Variants in DOK7 observed in about 807,000 individuals in gnomAD.
DOK7 encodes the protein protein Dok-7.
DOK7 carries 32 observed loss-of-function variants against 30.7 expected under a neutral mutation model. That is an observed-to-expected ratio of 1.04 (90% CI 0.79 to 1.40). DOK7 has a LOEUF of 1.40. Among genes scored for constraint, DOK7 ranks in the 40% most tolerant of loss-of-function variants. The pLI is 0.00. For synonymous variants in DOK7, 447 were observed against 324.1 expected, an observed-to-expected ratio of 1.38 and a Z score of -4.07; for missense variants, 1,007 against 699.2, an observed-to-expected ratio of 1.44 and a Z score of -4.97.
At chr4:3,476,648 G>A in intron 4 of DOK7, 106 bp downstream of exon 4, 1 of 1,462,518 alleles carries the variant, frequency 6.8e-7, no homozygotes, top group South Asian at 1.1e-5. Flanking sequence ...TGGCCTGCTG[G>A]CATTTCCAGA....
intron 5 of DOK7, among the ~76,000 whole-genome samples, chr4:3,488,889 T>C (rs1195344370): frequency 6.6e-6 from 1 of 152,126 alleles, no homozygotes; most frequent in African/African-American, 2.4e-5. Flanking sequence ...TGGAGCAAGG[T>C]AGCCACTTGG....
intron 2 of DOK7, among the ~76,000 whole-genome samples, chr4:3,467,280 C>T (rs1325308905): frequency 6.6e-6 from 1 of 151,918 alleles, no homozygotes; most frequent in African/African-American, 2.4e-5. Flanking sequence ...TTCTCCCCCT[C>T]CTCCTTCTTC....
Position 3,494,023 on chromosome 4 carries a change from A to C in DOK7, c.*522A>C. On this transcript the variant is annotated 3_prime_UTR_variant, in exon 7 of 7. Transcript: ENST00000340083. ...CTGGGCTCCGTGTGCGCTGGGCCTCATCCCCATCTATGGGAGGAAACTGAA... is the reference window on the plus strand; with the variant it reads ...CTGGGCTCCGTGTGCGCTGGGCCTCCTCCCCATCTATGGGAGGAAACTGAA... The C allele has an allele frequency of 1.1e-5, 11 of 990,040 alleles. No individual in the cohort carries two copies. The South Asian group carries it at 4.7e-4, about 42-fold the overall frequency. The allele number at this position is 990,040 out of a possible 1,614,324, so 61.3% of individuals were successfully genotyped here. A position where few individuals can be genotyped will look rare whatever the true frequency, so the allele number is the denominator to read the frequency against.
chr4:3,498,319 T>C (rs1379395189), downstream of DOK7, among the ~76,000 whole-genome samples: 2 of 152,158 alleles, frequency 1.3e-5, no homozygotes, highest in African/African-American at 4.8e-5. Context: ...ACGGACACAC[T>C]GCTGGCCCAG....
intron 5 of DOK7, among the ~76,000 whole-genome samples, chr4:3,486,707 GGTGTCTTCCTGCCT>G (rs1727819136): frequency 1.3e-5 from 2 of 151,836 alleles, no homozygotes; most frequent in African/African-American, 4.8e-5. Context: ...CACCCCTGCA[GGTGTCTTCCTGCCT>G]AGTGGATGCA....
In DOK7 at chr4:3,473,439, C is replaced by T. The variant is rs62272670; in HGVS notation, c.134C>T (p.Ser45Leu). The T allele has an allele frequency of 5.4e-3, 8,707 of 1,611,020 alleles. 60 individuals are homozygous for T. Among genetic ancestry groups the T allele is most frequent in the Non-Finnish European group, 5.0e-3 (5,906 of 1,179,822 alleles). ...CTGATGCTGGTCTACAAGGACAAGT[C>T]GGAGCGTATCAAGGGCCTGCGGGAG... ...CLLMLVYKDK[S>L]ERIKGLRERS... Residue 45 changes from serine (S) to leucine (L), a missense_variant, in exon 3 of 7, where the codon TCG becomes TTG. Coordinates refer to ENST00000340083, the MANE Select transcript of DOK7 (RefSeq NM_173660.5).
At chr4:3,469,872 G>T (rs1248680746) in intron 2 of DOK7, among the ~76,000 whole-genome samples, 4 of 152,212 alleles carry the variant, frequency 2.6e-5, no homozygotes, top group Non-Finnish European at 4.4e-5. Flanking sequence ...GGCGTCAGCT[G>T]CCGGAGAAGC....
downstream of DOK7, chr4:3,496,976 C>A: frequency 1.2e-6 from 1 of 861,582 alleles, no homozygotes; most frequent in Non-Finnish European, 1.7e-6. Context: ...GTGGGGGGCC[C>A]ACTGCCAGCA....
intron 4 of DOK7, among the ~76,000 whole-genome samples, chr4:3,480,583 A>G (rs1159575523): frequency 3.3e-5 from 5 of 152,310 alleles, no homozygotes; most frequent in Admixed American, 1.3e-4. Context: ...AGTCCAGCCA[A>G]GGCAACAGAG....
rs767282152 is a variant in DOK7 at position 3,493,078 on chromosome 4, G to A, written c.1092G>A (p.Arg364=). 8.2e-6 allele frequency: 13 copies of A among 1,575,988 alleles called. No individual in the cohort carries two copies. Among genetic ancestry groups the A allele is most frequent in the African/African-American group, 1.3e-5 (1 of 74,372 alleles). Residue 364 remains arginine (R), a synonymous_variant, in exon 7 of 7, where the codon CGG becomes CGA. Transcript: ENST00000340083. ...CGGGCAGCAGCCTGGACGTGTGGCG[G>A]GCCACAGATGAACTGGGCTCACTGC... The part of the protein sequence containing the change: ...SYAGSSLDVW[R]ATDELGSLLS...
rs765044049 is a variant in DOK7, at chr4:3,493,403, GAGCCCTGGGA to G, written c.1421_1430del (p.Pro474GlnfsTer24). 1.9e-6 allele frequency: 3 copies of G among 1,596,346 alleles called. No individual in the cohort carries two copies. The South Asian group carries it at 3.4e-5, about 18-fold the overall frequency. On this transcript the variant is annotated frameshift_variant, in exon 7 of 7. Transcript: ENST00000340083. LOFTEE classifies it high-confidence loss of function. ...CACACTGCCTGGCCCTGCCCCTGGC[GAGCCCTGGGA>G]AGCAGGCGGCCCCCACGCGGGGCCA...
At position 3,476,184 on chromosome 4, in the gene DOK7, G is replaced by A. The variant is rs184482471; in HGVS notation, c.332-158G>A. On this transcript the variant is annotated intron_variant, in intron 3 of 6. Coordinates refer to ENST00000340083, the MANE Select transcript of DOK7 (RefSeq NM_173660.5). ...ATGCCCTCTCGCCCCGCCCACCCTC[G>A]ATGCCCTCTCACCTCACCCGCCCAT... 1.2e-3 allele frequency among the ~76,000 whole-genome samples: 74 copies of A among 60,178 alleles called. 2 individuals are homozygous for A. The highest frequency in any genetic ancestry group is 4.0e-3 in the African/African-American group (65 of 16,084). 39.5% of individuals were successfully genotyped at this position (60,178 alleles called of 152,430 possible). A position where few individuals can be genotyped will look rare whatever the true frequency, so the allele number is the denominator to read the frequency against.
chr4:3,493,914 CCT>C lies in DOK7; in HGVS notation c.*418_*419del, dbSNP rs1225258580. The C allele has an allele frequency of 3.8e-6, 4 of 1,051,128 alleles. No individual in the cohort carries two copies. Among genetic ancestry groups the C allele is most frequent in the Non-Finnish European group, 3.4e-6 (3 of 873,172 alleles). The allele number at this position is 1,051,128 out of a possible 1,614,324, so 65.1% of individuals were successfully genotyped here. On this transcript the variant is annotated 3_prime_UTR_variant, in exon 7 of 7. Coordinates refer to ENST00000340083, the MANE Select transcript of DOK7 (RefSeq NM_173660.5). The stretch of plus-strand genomic sequence containing the variant: ...CGGGGGTGGCCGGTTCTCCCCATCA[CCT>C]CTCTGGGGCAGTCACACCACCTGTT...
At chr4:3,492,623 G>T (rs13146874) in intron 6 of DOK7, 136 bp from the exon 7 acceptor site, 2 of 1,201,266 alleles carry the variant, frequency 1.7e-6, no homozygotes, top group Non-Finnish European at 1.2e-6. Context: ...TCTGCTGTAG[G>T]CCCCGGGGCT....
chr4:3,499,699 G>T (rs1217414994), intron 6 of DOK7, among the ~76,000 whole-genome samples: 2 of 152,114 alleles, frequency 1.3e-5, no homozygotes, highest in African/African-American at 4.8e-5. Flanking sequence ...GGGCACCTGG[G>T]TGTCCTGGAG....
At chr4:3,483,685 T>A (rs2857988) in intron 4 of DOK7, among the ~76,000 whole-genome samples, 1 of 152,182 alleles carries the variant, frequency 6.6e-6, no homozygotes, top group African/African-American at 2.4e-5. Flanking sequence ...CATTGTCCCG[T>A]GGCCACTGCC....
intron 7 of DOK7, chr4:3,500,438 T>C: frequency 6.5e-7 from 1 of 1,531,654 alleles, no homozygotes; most frequent in Non-Finnish European, 8.7e-7. Flanking sequence ...CACTGACAAT[T>C]GGGGGCTGGG....
intron 5 of DOK7, among the ~76,000 whole-genome samples, chr4:3,487,467 C>T (rs910025720): frequency 6.6e-6 from 1 of 152,232 alleles, no homozygotes; most frequent in Non-Finnish European, 1.5e-5. Flanking sequence ...CTGGAGGGGC[C>T]AAGAGATGCA....
intron 4 of DOK7, 151 bp downstream of exon 4, chr4:3,476,693 C>T (rs896639870): frequency 2.6e-5 from 27 of 1,036,782 alleles, no homozygotes; most frequent in South Asian, 2.2e-4. Flanking sequence ...TCCCCACGCT[C>T]GATGTCCAAG....
Sources: gnomAD v4.1 joint callset for allele counts (sites outside exome capture counted in the v4.1 genomes callset) on GRCh38, gnomAD v4.1.1 for gene constraint, MANE v1.5 for transcripts, NCBI Gene and HGNC (gene_info 2026-07-23, HGNC 2026-07-21) for gene names.